CYP4F3: variants seen among roughly 807,000 people sequenced by gnomAD.
The protein encoded by CYP4F3 is cytochrome P450 family 4 subfamily F member 3, also known as cytochrome P450 4F3.
CYP4F3 carries 50 observed loss-of-function variants against 54.8 expected under a neutral mutation model. That is an observed-to-expected ratio of 0.91 (90% CI 0.73 to 1.16). The LOEUF is 1.16. CYP4F3 is among the 50% of genes most tolerant of loss of function. CYP4F3 has a pLI of 0.00. For missense variants in CYP4F3, 715 were observed against 676.2 expected (o/e 1.06, Z -0.64); for synonymous variants, 244 against 262.6 (o/e 0.93, Z 0.69).
At position 15,661,318 on chromosome 19, in the gene CYP4F3, A is replaced by G. The variant is rs1488724289; in HGVS notation, c.*1933A>G. The G allele has an allele frequency of 6.6e-6, 1 of 152,052 alleles. No homozygotes were observed. The highest frequency in any genetic ancestry group is 1.5e-5 in the Non-Finnish European group (1 of 68,012). 9.4% of individuals were successfully genotyped at this position (152,052 alleles called of 1,614,324 possible). A position where few individuals can be genotyped will look rare whatever the true frequency, so the allele number is the denominator to read the frequency against. ...CAAAACAAAAACAAAACAAAACAAA[A>G]CAAAACACTGCCAAACTGTTTCCAA... On this transcript the variant is annotated 3_prime_UTR_variant, in exon 13 of 13. Transcript: ENST00000221307.
chr19:15,655,557 G>T (rs1347589493), intron 9 of CYP4F3, among the ~76,000 whole-genome samples: 1 of 152,166 alleles, frequency 6.6e-6, no homozygotes, highest in Non-Finnish European at 1.5e-5. Context: ...CCACCTTAGC[G>T]GTGACTACAG....
rs200137515 is a variant in CYP4F3 at position 15,647,069 on chromosome 19, G to T, written c.361G>T (p.Asp121Tyr). ...LFAPAAIVPK[D>Y]KVFYSFLKPW... is the part of the protein sequence containing the mutation. Reference sequence around the variant, plus strand: ...TATGTCAGCTGCCATTGTACCAAAGGACAAGGTCTTCTACAGCTTCCTGAA... The same window carrying T: ...TATGTCAGCTGCCATTGTACCAAAGTACAAGGTCTTCTACAGCTTCCTGAA... Residue 121 changes from aspartate to tyrosine, a missense_variant, in exon 4 of 13, where the codon GAC (aspartate) becomes TAC (tyrosine). Physicochemically the swap from Asp to Tyr is radical, Grantham distance 160 (BLOSUM62 -3). Coordinates refer to ENST00000221307, the MANE Select transcript of CYP4F3 (RefSeq NM_000896.3). 1.2e-5 allele frequency: 19 copies of T among 1,614,154 alleles called. No homozygotes were observed. The highest frequency in any genetic ancestry group is 1.6e-5 in the Non-Finnish European group (19 of 1,180,018).
chr19:15,653,731 GAGA>G (rs1972930971), intron 9 of CYP4F3, among the ~76,000 whole-genome samples: 1 of 133,656 alleles, frequency 7.5e-6, no homozygotes, highest in Non-Finnish European at 1.6e-5. Flanking sequence ...GAGGAAGAGA[GAGA>G]GGAGAGAGAG....
intron 7 of CYP4F3, among the ~76,000 whole-genome samples, chr19:15,650,722 T>TTCTCTCTCTCTCTCTTTCTTTC (rs1266593816): frequency 4.3e-5 from 2 of 46,730 alleles, no homozygotes; most frequent in African/African-American, 1.6e-4. Flanking sequence ...CTTTCTTTCT[T>TTCTCTCTCTCTCTCTTTCTTTC]TCTTTCTTTC....
At position 15,650,812 on chromosome 19, in the gene CYP4F3, T is replaced by C. The variant is rs56067064; in HGVS notation, c.918+629T>C. On this transcript the variant is annotated intron_variant, in intron 7 of 12. Coordinates refer to ENST00000221307, the MANE Select transcript of CYP4F3 (RefSeq NM_000896.3). ...CTTTCTTTCTTTCTCTCTCTTCTCT[T>C]TCTTTCTTTCTTTCTTTCTTTCTTT... Among the ~76,000 whole-genome samples the C allele has an allele frequency of 4.4e-3, 92 of 20,794 alleles. 5 individuals carry two copies. The highest frequency in any genetic ancestry group is 0.01 in the African/African-American group (38 of 3,662). 13.6% of individuals were successfully genotyped at this position (20,794 alleles called of 152,430 possible).
chr19:15,650,660 T>TTTCTTTC (rs1972770549), intron 7 of CYP4F3, among the ~76,000 whole-genome samples: 12 of 35,642 alleles, frequency 3.4e-4, no homozygotes, highest in African/African-American at 1.2e-3. Flanking sequence ...CCTGCCTTCT[T>TTTCTTTC]TTTCTTTCTT....
intron 2 of CYP4F3, chr19:15,644,021 A>AAC (rs1568392190): frequency 6.2e-7 from 1 of 1,601,248 alleles, no homozygotes; most frequent in South Asian, 1.1e-5. Context: ...TTGCCACCCC[A>AAC]ACATCATCCG....
rs371729462 is a variant in CYP4F3, at chr19:15,649,934, C to T, written c.669C>T (p.Ala223=). 3.4e-5 allele frequency: 55 copies of T among 1,613,846 alleles called. No individual in the cohort carries two copies. Among genetic ancestry groups the T allele is most frequent in the Admixed American group, 2.2e-4 (13 of 59,976 alleles). ...GCAGGAAGCCCAGTGAATATATTGC[C>T]GCCATCTTGGAGCTCAGTGCCCTTG... is the stretch of plus-strand genomic sequence containing the variant. ...HCQEKPSEYI[A]AILELSALVT... The change falls in exon 7 of 13, where the codon GCC becomes GCT. Residue 223 remains alanine, a synonymous_variant. Coordinates refer to ENST00000221307, the MANE Select transcript of CYP4F3 (RefSeq NM_000896.3).
At position 15,649,960 on chromosome 19, in the gene CYP4F3, T is replaced by A; in HGVS notation, c.695T>A (p.Val232Glu). ...GCCATCTTGGAGCTCAGTGCCCTTG[T>A]GACAAAAAGACACCAGCAGATCCTC... ...IAAILELSAL[V>E]TKRHQQILLY... The change falls in exon 7 of 13, where the codon GTG becomes GAG. Residue 232 changes from valine to glutamate, a missense_variant. Physicochemically the swap from Val to Glu is moderately radical, Grantham distance 121. Transcript: ENST00000221307. The A allele has an allele frequency of 6.2e-7, 1 of 1,614,166 alleles. No homozygotes were observed. The highest frequency in any genetic ancestry group is 1.1e-5 in the South Asian group (1 of 91,084).
intron 2 of CYP4F3, among the ~76,000 whole-genome samples, 178 bp from the exon 3 acceptor site, chr19:15,645,541 G>T (rs1020489626): frequency 6.6e-6 from 1 of 152,200 alleles, no homozygotes; most frequent in Non-Finnish European, 1.5e-5. Context: ...TGTAACTGAA[G>T]GACTGGAGAG....
intron 7 of CYP4F3, among the ~76,000 whole-genome samples, chr19:15,651,032 T>C (rs1037465842): frequency 6.6e-6 from 1 of 151,210 alleles, no homozygotes. Flanking sequence ...CACGCCACCA[T>C]GCCTGGCTAA....
intron 6 of CYP4F3, 117 bp downstream of exon 6, chr19:15,649,398 C>G: frequency 6.6e-7 from 1 of 1,526,578 alleles, no homozygotes; most frequent in Non-Finnish European, 8.9e-7. Flanking sequence ...GTTGTTATAC[C>G]TGATCGTTGA....
rs1568406872 is a variant in CYP4F3 at position 15,662,270 on chromosome 19, C to CAAAAAAAAAAAAA, written c.*2885_*2886insAAAAAAAAAAAAA. On this transcript the variant is annotated 3_prime_UTR_variant, in exon 13 of 13. Transcript: ENST00000221307. ...TGGGTGAAAGAGCTAGATTCTCTCT[C>CAAAAAAAAAAAAA]TCAAAAAAAAAAAAAAAAAAAAGGA... 2.0e-5 allele frequency: 1 copy of CAAAAAAAAAAAAA among 50,312 alleles called. No individual in the cohort carries two copies. 3.1% of individuals were successfully genotyped at this position (50,312 alleles called of 1,614,324 possible). A position where few individuals can be genotyped will look rare whatever the true frequency, so the allele number is the denominator to read the frequency against.
At chr19:15,643,405 A>ATAGATAG (rs1972528949) in intron 2 of CYP4F3, among the ~76,000 whole-genome samples, 38 of 99,370 alleles carry the variant, frequency 3.8e-4, no homozygotes, top group African/African-American at 9.1e-4. Context: ...TATATAGGTA[A>ATAGATAG]ATAGATAGAT....
intron 6 of CYP4F3, among the ~76,000 whole-genome samples, 187 bp from the exon 7 acceptor site, chr19:15,649,726 A>G (rs1395830746): frequency 6.6e-6 from 1 of 152,118 alleles, no homozygotes; most frequent in African/African-American, 2.4e-5. Context: ...CAGAGATGGG[A>G]TGCAGGGAGA....
chr19:15,651,808 T>C (rs1972864574), intron 7 of CYP4F3, among the ~76,000 whole-genome samples: 1 of 152,204 alleles, frequency 6.6e-6, no homozygotes, highest in Non-Finnish European at 1.5e-5. Flanking sequence ...TGTGTTTCTG[T>C]GTCTATGTCT....
In CYP4F3 at chr19:15,650,077, T is replaced by A; in HGVS notation, c.812T>A (p.Ile271Asn). 2 of 1,614,176 alleles carry A rather than the reference T, an allele frequency of 1.2e-6. No homozygotes were observed. Among genetic ancestry groups the A allele is most frequent in the Non-Finnish European group, 1.7e-6 (2 of 1,180,028 alleles). Residue 271 changes from isoleucine to asparagine, a missense_variant, in exon 7 of 13, where the codon ATC becomes AAC. By Grantham distance (149) the Ile-to-Asn change is moderately radical. Transcript: ENST00000221307. Reference sequence around the variant, plus strand: ...GTGCACGACTTCACAGATGCCGTCATCCAGGAGCGGCGCCGCACCCTCCCT... The same window carrying A: ...GTGCACGACTTCACAGATGCCGTCAACCAGGAGCGGCGCCGCACCCTCCCT... ...RLVHDFTDAVIQERRRTLPSQ... is the reference protein window; with the variant it reads ...RLVHDFTDAVNQERRRTLPSQ...
intron 9 of CYP4F3, among the ~76,000 whole-genome samples, chr19:15,653,851 T>C (rs916405418): frequency 6.6e-6 from 1 of 151,004 alleles, no homozygotes; most frequent in African/African-American, 2.4e-5. Context: ...GGTGAGATGA[T>C]AAAACTGGAG....
At chr19:15,643,030 T>C (rs916553246) in intron 2 of CYP4F3, among the ~76,000 whole-genome samples, 1 of 151,346 alleles carries the variant, frequency 6.6e-6, no homozygotes, top group Non-Finnish European at 1.5e-5. Context: ...AGCTAGATGA[T>C]TGATAGATAA....
Sources: allele counts gnomAD v4.1 joint callset (sites outside exome capture counted in the v4.1 genomes callset), GRCh38; gene constraint gnomAD v4.1.1; transcripts MANE v1.5; gene names NCBI Gene and HGNC (gene_info 2026-07-23, HGNC 2026-07-21).